Variants in PPP2R5C observed in about 807,000 individuals in gnomAD.
PPP2R5C encodes protein phosphatase 2 regulatory subunit B'gamma, also known as serine/threonine-protein phosphatase 2A 56 kDa regulatory subunit gamma isoform.
A neutral mutation model predicts 68.9 loss-of-function variants in PPP2R5C; 7 were observed. The ratio of observed to expected loss-of-function variants is 0.10; its 90% CI spans 0.06 to 0.19. The LOEUF (loss-of-function observed/expected upper bound fraction) is 0.19. Ranked by LOEUF, PPP2R5C falls within the 10% of genes least tolerant of loss-of-function variation. The pLI, the probability that PPP2R5C is intolerant of heterozygous loss-of-function variation, is 1.00. For missense variants in PPP2R5C, 348 were observed against 641.3 expected, an observed-to-expected ratio of 0.54 and a Z score of 4.94; for synonymous variants, 210 against 222.2, an observed-to-expected ratio of 0.95 and a Z score of 0.49.
chr14:101,790,198 C>T (rs1379625194), intron 3 of PPP2R5C, among the ~76,000 whole-genome samples: 1 of 152,192 alleles, frequency 6.6e-6, no homozygotes, highest in Non-Finnish European at 1.5e-5. Flanking sequence ...GTGTAACCTT[C>T]AGCCCTATCC....
At chr14:101,799,140 C>T (rs143020983) in intron 3 of PPP2R5C, among the ~76,000 whole-genome samples, 94 of 152,220 alleles carry the variant, frequency 6.2e-4, no homozygotes, top group African/African-American at 2.0e-3. Flanking sequence ...AGCCACAGAC[C>T]GGGAGGGAAG....
rs201279845 is a variant in PPP2R5C at position 101,781,829 on chromosome 14, C to G, written c.94-4189C>G. Among the ~76,000 whole-genome samples, 1 of 151,926 alleles carries G rather than the reference C, an allele frequency of 6.6e-6. No individual in the cohort carries two copies. Among genetic ancestry groups the G allele is most frequent in the Non-Finnish European group, 1.5e-5 (1 of 67,934 alleles). ...CTCTCCCGTTTCCTTTCCGTCCCGT[C>G]TCGGGGGCTTCATCCTCCAGCCGTG... On this transcript the variant is annotated intron_variant, in intron 2 of 14. Transcript: ENST00000328724. The surrounding 1 kb of genome is among the most constrained non-coding windows in gnomAD (Gnocchi z 6.4).
chr14:101,890,697 ATATT>A (rs1183933286), intron 6 of PPP2R5C, among the ~76,000 whole-genome samples: 4 of 150,302 alleles, frequency 2.7e-5, no homozygotes, highest in African/African-American at 9.8e-5. Context: ...TTTTATATGT[ATATT>A]TATAAAATAA....
chr14:101,767,965 C>T (rs961037057), intron 2 of PPP2R5C, among the ~76,000 whole-genome samples: 1 of 152,180 alleles, frequency 6.6e-6, no homozygotes, highest in South Asian at 2.1e-4. Flanking sequence ...ACCCCAGGTA[C>T]CTCCTTTGTG....
intron 2 of PPP2R5C, among the ~76,000 whole-genome samples, chr14:101,872,753 A>C (rs2043508690): frequency 6.6e-6 from 1 of 152,004 alleles, no homozygotes; most frequent in South Asian, 2.1e-4. Flanking sequence ...GGGCCTTGGC[A>C]TGGTTTCCTT....
intron 1 of PPP2R5C, among the ~76,000 whole-genome samples, chr14:101,822,079 G>GCCCCC: frequency 2.8e-5 from 1 of 36,248 alleles, no homozygotes; most frequent in East Asian, 1.1e-3. Context: ...ACCACCCCCT[G>GCCCCC]CCCCCCCCCC....
intron 5 of PPP2R5C, among the ~76,000 whole-genome samples, chr14:101,885,880 T>G: frequency 6.6e-6 from 1 of 152,262 alleles, no homozygotes; most frequent in East Asian, 1.9e-4. Context: ...ATTTCCAGTC[T>G]TCTTGACCTA....
At chr14:101,925,032 G>A in intron 13 of PPP2R5C, 109 bp from the exon 16 acceptor site, 2 of 1,256,236 alleles carry the variant, frequency 1.6e-6, no homozygotes, top group Non-Finnish European at 2.3e-6. Context: ...GCCAGCGAGT[G>A]GGTGAGGCAC....
intron 1 of PPP2R5C, among the ~76,000 whole-genome samples, chr14:101,815,805 G>A (rs989279368): frequency 2.6e-5 from 4 of 152,280 alleles, no homozygotes; most frequent in South Asian, 4.1e-4. Context: ...GAGTAGCTGG[G>A]ATTACAGGTG....
chr14:101,887,504 A>G (rs887623250), intron 5 of PPP2R5C, among the ~76,000 whole-genome samples: 14 of 152,156 alleles, frequency 9.2e-5, no homozygotes, highest in African/African-American at 3.4e-4. Context: ...CGCTAGGCTC[A>G]TCCAGACGGT....
chr14:101,845,752 C>G (rs1227561121), intron 1 of PPP2R5C, among the ~76,000 whole-genome samples: 1 of 152,064 alleles, frequency 6.6e-6, no homozygotes. Flanking sequence ...GTGAGGGAAC[C>G]CCAGCTTGGT....
chr14:101,764,887 A>G (rs150859313), intron 2 of PPP2R5C, among the ~76,000 whole-genome samples: 468 of 145,238 alleles, frequency 3.2e-3, no homozygotes, highest in Non-Finnish European at 3.6e-3. Context: ...TAATGTGCCT[A>G]TATCCTCTTA....
intron 1 of PPP2R5C, among the ~76,000 whole-genome samples, chr14:101,829,856 T>C (rs2040630878): frequency 6.6e-6 from 1 of 152,196 alleles, no homozygotes; most frequent in South Asian, 2.1e-4. Flanking sequence ...ACTTTGGTTG[T>C]TGTGTCGCTG....
exon 14 of PPP2R5C, chr14:101,925,399 T>C: frequency 1.4e-6 from 2 of 1,413,116 alleles, no homozygotes; most frequent in Admixed American, 5.5e-5. Context: ...CCGTAGGCAA[T>C]AACGTGCGTC....
At chr14:101,809,915 G>C in exon 1 of PPP2R5C, 2 of 1,610,428 alleles carry the variant, frequency 1.2e-6, no homozygotes, top group Non-Finnish European at 1.7e-6. Flanking sequence ...GCCTTAAGGA[G>C]CCCATTGCCT....
chr14:101,784,505 GAA>G (rs898035796), intron 2 of PPP2R5C, among the ~76,000 whole-genome samples: 2 of 144,844 alleles, frequency 1.4e-5, no homozygotes, highest in Admixed American at 1.4e-4. Context: ...GAGAGAGAGA[GAA>G]AGTGGGGGGG....
At chr14:101,834,384 C>A (rs1388088125) in intron 1 of PPP2R5C, among the ~76,000 whole-genome samples, 1 of 152,204 alleles carries the variant, frequency 6.6e-6, no homozygotes, top group African/African-American at 2.4e-5. Flanking sequence ...AACAAAAAGT[C>A]TTCTCAAAAA....
intron 13 of PPP2R5C, among the ~76,000 whole-genome samples, chr14:101,920,937 C>T (rs2046964464): frequency 6.6e-6 from 1 of 151,282 alleles, no homozygotes. Flanking sequence ...GGCCTGACTC[C>T]TTGTAGATTT....
chr14:101,816,063 G>A (rs2039647724), intron 1 of PPP2R5C, among the ~76,000 whole-genome samples: 1 of 152,234 alleles, frequency 6.6e-6, no homozygotes, highest in African/African-American at 2.4e-5. Context: ...TCTATACGCT[G>A]TAGTTAACGT....
Sources: allele counts gnomAD v4.1 joint callset (sites outside exome capture counted in the v4.1 genomes callset), GRCh38; gene constraint gnomAD v4.1.1; non-coding constraint Gnocchi (gnomAD v3.1); transcripts MANE v1.5; gene names NCBI Gene and HGNC (gene_info 2026-07-23, HGNC 2026-07-21).